PDE4B: variants seen among roughly 807,000 people sequenced by gnomAD.
The protein encoded by PDE4B is phosphodiesterase 4B, also known as 3',5'-cyclic-AMP phosphodiesterase 4B.
In PDE4B, 20 loss-of-function variants were observed where a neutral mutation model predicts 82.2. That is an observed-to-expected ratio of 0.24 (90% confidence interval 0.17 to 0.35). The LOEUF is 0.35. PDE4B is among the 10% of genes least tolerant of loss of function. The pLI is 1.00. For missense variants in PDE4B, 655 were observed against 907.2 expected, an observed-to-expected ratio of 0.72 and a Z score of 3.57; for synonymous variants, 320 against 318.9, an observed-to-expected ratio of 1.00 and a Z score of -0.04.
chr1:66,270,847 T>G (rs1192076916), intron 7 of PDE4B, among the ~76,000 whole-genome samples: 1 of 152,272 alleles, frequency 6.6e-6, no homozygotes, highest in African/African-American at 2.4e-5. Context: ...TATCAAACTA[T>G]GTTTTCTTCC....
At chr1:66,129,485 G>A (rs910390223) in intron 3 of PDE4B, among the ~76,000 whole-genome samples, 1 of 150,838 alleles carries the variant, frequency 6.6e-6, no homozygotes, top group Non-Finnish European at 1.5e-5. Flanking sequence ...GTGAAACCCC[G>A]TCTCTACTAA....
intron 3 of PDE4B, among the ~76,000 whole-genome samples, chr1:66,203,448 A>G (rs925532097): frequency 2.0e-5 from 3 of 152,186 alleles, no homozygotes; most frequent in African/African-American, 7.2e-5. Context: ...GTGTTTTCCA[A>G]CTTGGTTCCA....
rs1557634927 is a variant in PDE4B, at chr1:66,208,125, C to G, written c.282-39335C>G. Among the ~76,000 whole-genome samples the G allele has an allele frequency of 2.0e-5, 3 of 152,264 alleles. No individual in the cohort carries two copies. In the South Asian group the frequency reaches 6.2e-4, roughly 32 times the overall value. ...TTAAGTAGCTTAAGTTGCTAATGTT[C>G]CATGCTCTCTAGGTGTGCCTCTTTC... On this transcript the variant is annotated intron_variant, in intron 3 of 16. Transcript: ENST00000341517.
intron 1 of PDE4B, among the ~76,000 whole-genome samples, chr1:65,852,236 AT>A (rs938571337): frequency 1.3e-5 from 2 of 151,780 alleles, no homozygotes; most frequent in African/African-American, 4.8e-5. Context: ...ATGAAATGAG[AT>A]TTTTTTCTCT....
At chr1:66,218,382 C>T (rs1237710186) in intron 3 of PDE4B, among the ~76,000 whole-genome samples, 1 of 152,066 alleles carries the variant, frequency 6.6e-6, no homozygotes, top group African/African-American at 2.4e-5. Flanking sequence ...TGAAACAAAC[C>T]CCAAAGTTAC....
chr1:66,342,859 C>T (rs1661104849), intron 8 of PDE4B, among the ~76,000 whole-genome samples: 1 of 152,120 alleles, frequency 6.6e-6, no homozygotes, highest in African/African-American at 2.4e-5. Context: ...GCCTGGCCAA[C>T]ACGGAGAAAC....
At chr1:66,070,927 T>G in intron 3 of PDE4B, among the ~76,000 whole-genome samples, 1 of 152,082 alleles carries the variant, frequency 6.6e-6, no homozygotes, top group East Asian at 1.9e-4. Context: ...ATCATTTTAT[T>G]GATTACAAAA....
At chr1:65,908,222 C>G (rs1647049087) in intron 1 of PDE4B, among the ~76,000 whole-genome samples, 1 of 152,140 alleles carries the variant, frequency 6.6e-6, no homozygotes. Context: ...TAAAGAGGGT[C>G]TCCTCTCTCC....
rs982499343 is a variant in PDE4B, at chr1:66,023,641, T to C, written c.281+104806T>C. On this transcript the variant is annotated intron_variant, in intron 3 of 16. Transcript: ENST00000341517. Reference sequence around the variant, plus strand: ...GTTAACAACATTCTATTGATTTCAATTGAAGAAAATTACAAGGCAAAATTT... The same window carrying C: ...GTTAACAACATTCTATTGATTTCAACTGAAGAAAATTACAAGGCAAAATTT... Among the ~76,000 whole-genome samples the C allele has an allele frequency of 2.0e-5, 3 of 152,170 alleles. No individual in the cohort carries two copies. The East Asian group carries it at 5.8e-4, about 29-fold the overall frequency.
chr1:66,016,149 T>C (rs966509520), intron 3 of PDE4B, among the ~76,000 whole-genome samples: 1 of 152,208 alleles, frequency 6.6e-6, no homozygotes, highest in Admixed American at 6.5e-5. Flanking sequence ...TTGCAGTTAC[T>C]TCATGGAGTT....
chr1:65,902,330 G>T (rs1646980618), intron 1 of PDE4B, among the ~76,000 whole-genome samples: 1 of 152,124 alleles, frequency 6.6e-6, no homozygotes, highest in South Asian at 2.1e-4. Flanking sequence ...TGGAAGATTA[G>T]AAGGATCAAA....
chr1:66,311,917 A>G (rs1658699928), intron 7 of PDE4B, among the ~76,000 whole-genome samples: 1 of 152,184 alleles, frequency 6.6e-6, no homozygotes, highest in Admixed American at 6.5e-5. Flanking sequence ...ATCTGCTCTG[A>G]GACCTTTATC....
At chr1:66,240,717 T>C (rs1274700834) in intron 3 of PDE4B, among the ~76,000 whole-genome samples, 1 of 152,220 alleles carries the variant, frequency 6.6e-6, no homozygotes, top group Non-Finnish European at 1.5e-5. Flanking sequence ...AGTGGGTGCT[T>C]GCTAAATATT....
intron 3 of PDE4B, among the ~76,000 whole-genome samples, chr1:66,027,415 C>T (rs922346234): frequency 4.6e-5 from 7 of 152,174 alleles, no homozygotes; most frequent in Admixed American, 4.6e-4. Flanking sequence ...CTGGGACATA[C>T]AATTCAAATT....
intron 3 of PDE4B, among the ~76,000 whole-genome samples, chr1:65,922,819 A>C (rs1327760840): frequency 1.3e-5 from 2 of 152,208 alleles, no homozygotes; most frequent in African/African-American, 4.8e-5. Context: ...CATTCCAGAC[A>C]CTTGCAAGAC....
chr1:65,833,248 G>A (rs1053438358), intron 1 of PDE4B, among the ~76,000 whole-genome samples: 1 of 152,016 alleles, frequency 6.6e-6, no homozygotes, highest in African/African-American at 2.4e-5. Context: ...ATGTTTTCTC[G>A]AATACAAGCT....
In PDE4B at chr1:66,046,633, C is replaced by T. The variant is rs148468649; in HGVS notation, c.281+127798C>T. 1.7e-3 allele frequency among the ~76,000 whole-genome samples: 257 copies of T among 151,780 alleles called. 1 individual carries two copies. Among genetic ancestry groups the T allele is most frequent in the African/African-American group, 5.9e-3 (243 of 41,430 alleles). ...GTCAGCACTTGTTATTTCTTATCTG[C>T]GTAAAATATTTTCCATTTTAAACCA... On this transcript the variant is annotated intron_variant, in intron 3 of 16. Transcript: ENST00000341517.
intron 1 of PDE4B, among the ~76,000 whole-genome samples, chr1:65,820,708 C>T (rs1000012620): frequency 6.6e-6 from 1 of 152,108 alleles, no homozygotes; most frequent in Non-Finnish European, 1.5e-5. Context: ...TCTTCATCTA[C>T]AAAGTAGAGA....
chr1:66,340,229 C>T (rs941609996), intron 8 of PDE4B, among the ~76,000 whole-genome samples: 11 of 152,168 alleles, frequency 7.2e-5, no homozygotes, highest in African/African-American at 2.4e-4. Context: ...ACTGTTTAGT[C>T]TCTTGTGTAT....
Sources: allele counts gnomAD v4.1 joint callset (sites outside exome capture counted in the v4.1 genomes callset), GRCh38; gene constraint gnomAD v4.1.1; transcripts MANE v1.5; gene names NCBI Gene and HGNC (gene_info 2026-07-23, HGNC 2026-07-21).